EXOC1: variants seen among roughly 807,000 people sequenced by gnomAD.
EXOC1 encodes exocyst complex component 1, also known as SEC3-like 1.
A neutral mutation model predicts 107.7 loss-of-function variants in EXOC1; 67 were observed. That is an observed-to-expected ratio of 0.62 (90% confidence interval 0.51 to 0.76). The LOEUF (loss-of-function observed/expected upper bound fraction) is 0.76. Ranked by LOEUF, EXOC1 falls within the 30% of genes least tolerant of loss-of-function variation. The probability of loss-of-function intolerance (pLI) is 0.00; values close to 1 mark genes in which losing one functional copy is unlikely to be tolerated. For synonymous variants in EXOC1, 348 were observed against 353.5 expected, an observed-to-expected ratio of 0.98 and a Z score of 0.17; for missense variants, 833 against 1,055.7, an observed-to-expected ratio of 0.79 and a Z score of 2.92.
intron 7 of EXOC1, 115 bp from the exon 8 acceptor site, chr4:55,871,734 T>C (rs73238379): frequency 0.066 from 50,940 of 773,656 alleles, 2,079 homozygotes; most frequent in Non-Finnish European, 0.082. Flanking sequence ...TGTAAATGAA[T>C]ACACCCATAA....
intron 11 of EXOC1, among the ~76,000 whole-genome samples, chr4:55,889,635 C>G (rs1164383541): frequency 6.6e-6 from 1 of 152,168 alleles, no homozygotes; most frequent in African/African-American, 2.4e-5. Flanking sequence ...GGACTATAAT[C>G]AGTTCACTTA....
At chr4:55,861,820 G>A (rs1436067738) in intron 3 of EXOC1, among the ~76,000 whole-genome samples, 1 of 152,234 alleles carries the variant, frequency 6.6e-6, no homozygotes, top group Non-Finnish European at 1.5e-5. Context: ...TTGGGAGGCC[G>A]AGGCTGGTGG....
intron 15 of EXOC1, 63 bp from the exon 16 acceptor site, chr4:55,896,654 T>C (rs747031305): frequency 1.0e-4 from 133 of 1,311,066 alleles, no homozygotes; most frequent in Non-Finnish European, 1.2e-4. Context: ...TATTTTGTTA[T>C]GATTATATGT....
At chr4:55,887,625 T>G (rs1724048213) in intron 10 of EXOC1, among the ~76,000 whole-genome samples, 1 of 151,336 alleles carries the variant, frequency 6.6e-6, no homozygotes, top group South Asian at 2.1e-4. Context: ...GGCATGGTGA[T>G]CCACATCTAT....
chr4:55,893,823 T>C, intron 15 of EXOC1, 43 bp downstream of exon 15: 1 of 1,440,066 alleles, frequency 6.9e-7, no homozygotes, highest in Non-Finnish European at 9.6e-7. Flanking sequence ...ATCCTAGTCA[T>C]TGCAAAATAT....
intron 8 of EXOC1, chr4:55,872,835 TTC>T (rs1722567332): frequency 1.1e-6 from 1 of 923,198 alleles, no homozygotes; most frequent in African/African-American, 1.8e-5. Flanking sequence ...TGGCTCAAGC[TTC>T]TCTGATTCTG....
intron 15 of EXOC1, among the ~76,000 whole-genome samples, chr4:55,895,609 A>AAT (rs1188648417): frequency 5.9e-5 from 9 of 152,216 alleles, no homozygotes; most frequent in African/African-American, 2.2e-4. Flanking sequence ...ATCTCAACAC[A>AAT]ATGAAATGTT....
At position 55,891,881 on chromosome 4, in the gene EXOC1, A is replaced by G. The variant is rs1283058132; in HGVS notation, c.1647+459A>G. Among the ~76,000 whole-genome samples, 4 of 152,232 alleles carry G rather than the reference A, an allele frequency of 2.6e-5. No individual in the cohort carries two copies. The South Asian group carries it at 6.2e-4, about 24-fold the overall frequency. ...CTTGTGGCTTTGTTACTAACTAGCCATGAGATCTTAAGCCAGTTATTCGAT... is the reference window on the plus strand; with the variant it reads ...CTTGTGGCTTTGTTACTAACTAGCCGTGAGATCTTAAGCCAGTTATTCGAT... On this transcript the variant is annotated intron_variant, in intron 13 of 18. Transcript: ENST00000381295.
rs954295569 is a variant in EXOC1, at chr4:55,860,657, A to AT, written c.255+123dup. On this transcript the variant is annotated intron_variant, in intron 3 of 18. Transcript: ENST00000381295. ...AATTAATATATATGTTTGTTTTCTTATTTTTTTGCTTTTTTTAAGCTATAA... is the reference window on the plus strand; with the variant it reads ...AATTAATATATATGTTTGTTTTCTTATTTTTTTTGCTTTTTTTAAGCTATAA... The AT allele has an allele frequency of 1.1e-4, 140 of 1,323,892 alleles. No individual in the cohort carries two copies. In the East Asian group the frequency reaches 2.5e-3, roughly 24 times the overall value. The allele number at this position is 1,323,892 out of a possible 1,614,324, so 82.0% of individuals were successfully genotyped here. A position where few individuals can be genotyped will look rare whatever the true frequency, so the allele number is the denominator to read the frequency against.
chr4:55,882,970 C>G (rs1375100981), intron 9 of EXOC1: 1 of 152,052 alleles, frequency 6.6e-6, no homozygotes, highest in Non-Finnish European at 1.5e-5. Flanking sequence ...AATATACAGT[C>G]TCCCACTGTT....
At chr4:55,877,179 C>A (rs575881732) in intron 8 of EXOC1, 1 of 983,764 alleles carries the variant, frequency 1.0e-6, no homozygotes, top group South Asian at 4.7e-5. Flanking sequence ...GTATGATACA[C>A]ATTCATAATT....
chr4:55,883,814 T>C lies in EXOC1; in HGVS notation c.1225-9T>C. On this transcript the variant is annotated splice_polypyrimidine_tract_variant and intron_variant, in intron 9 of 18. Coordinates refer to ENST00000381295, the MANE Select transcript of EXOC1 (RefSeq NM_001024924.2). The stretch of plus-strand genomic sequence containing the variant: ...ATTAATAAGAAGTACATGTTACTTT[T>C]ATTTTAAGAATTACATGGATTATTT... 2 of 1,527,290 alleles carry C rather than the reference T, an allele frequency of 1.3e-6. No individual in the cohort carries two copies. The highest frequency in any genetic ancestry group is 1.8e-6 in the Non-Finnish European group (2 of 1,126,026). 94.6% of individuals were successfully genotyped at this position (1,527,290 alleles called of 1,614,324 possible).
chr4:55,874,805 A>G (rs1722747840), intron 8 of EXOC1, among the ~76,000 whole-genome samples: 1 of 152,182 alleles, frequency 6.6e-6, no homozygotes, highest in South Asian at 2.1e-4. Flanking sequence ...ATCTAGAAAG[A>G]TCAAGAATGA....
intron 10 of EXOC1, among the ~76,000 whole-genome samples, chr4:55,886,387 T>G (rs1723876580): frequency 6.6e-6 from 1 of 151,108 alleles, no homozygotes; most frequent in South Asian, 2.1e-4. Context: ...ACCCCATATA[T>G]ACAAAAAAAT....
intron 12 of EXOC1, 141 bp downstream of exon 12, chr4:55,890,527 C>T: frequency 2.8e-6 from 1 of 352,814 alleles, no homozygotes; most frequent in Non-Finnish European, 4.7e-6. Flanking sequence ...TGAATCGAAT[C>T]TGGGAAAAAA....
chr4:55,856,003 A>G (rs1031286491), intron 1 of EXOC1, among the ~76,000 whole-genome samples: 2 of 152,212 alleles, frequency 1.3e-5, no homozygotes, highest in Non-Finnish European at 2.9e-5. Context: ...AGTCATTTGC[A>G]GAGCGGGAGG....
intron 17 of EXOC1, chr4:55,900,561 A>G (rs1577791969): frequency 6.6e-6 from 1 of 152,224 alleles, no homozygotes; most frequent in Non-Finnish European, 1.5e-5. Flanking sequence ...CAATATAGTT[A>G]TCTTTTATAA....
intron 8 of EXOC1, chr4:55,876,610 ATC>A (rs1373608676): frequency 1.2e-5 from 12 of 985,136 alleles, no homozygotes; most frequent in African/African-American, 1.7e-5. Context: ...TGTGTATAAC[ATC>A]TGTGGTAGCT....
intron 10 of EXOC1, among the ~76,000 whole-genome samples, chr4:55,886,944 C>T (rs901510494): frequency 6.6e-6 from 1 of 152,072 alleles, no homozygotes; most frequent in South Asian, 2.1e-4. Flanking sequence ...TGCTAACGTA[C>T]CAGGGAAGTA....
Sources: allele counts gnomAD v4.1 joint callset (sites outside exome capture counted in the v4.1 genomes callset), GRCh38; gene constraint gnomAD v4.1.1; transcripts MANE v1.5; gene names NCBI Gene and HGNC (gene_info 2026-07-23, HGNC 2026-07-21).